STARD13: variants seen among roughly 807,000 people sequenced by gnomAD.
STARD13 encodes the protein StAR related lipid transfer domain containing 13.
A neutral mutation model predicts 106.4 loss-of-function variants in STARD13; 62 were observed. The observed-to-expected ratio is 0.58, with a 90% confidence interval of 0.48 to 0.72. STARD13 has a LOEUF of 0.72. Ranked by LOEUF, STARD13 falls within the 30% of genes least tolerant of loss-of-function variation. The pLI is 0.00. For synonymous variants in STARD13, 565 were observed against 553.0 expected, an observed-to-expected ratio of 1.02 and a Z score of -0.31; for missense variants, 1,387 against 1,424.0, an observed-to-expected ratio of 0.97 and a Z score of 0.42.
chr13:33,515,346 T>C, the STARD13 span, among the ~76,000 whole-genome samples: 1 of 152,166 alleles, frequency 6.6e-6, no homozygotes, highest in Non-Finnish European at 1.5e-5. Flanking sequence ...TAAAAATGTT[T>C]TTGTGTCTTC....
chr13:33,544,770 CTTTTTTT>C, the STARD13 span, among the ~76,000 whole-genome samples: 76 of 108,724 alleles, frequency 7.0e-4, no homozygotes, highest in Non-Finnish European at 1.2e-3. Context: ...TGTTTTTTCT[CTTTTTTT>C]TTTTTTTTTT....
At chr13:33,211,829 G>GTGTGTGTA (rs1555248562) in intron 1 of STARD13, among the ~76,000 whole-genome samples, 81 of 64,896 alleles carry the variant, frequency 1.2e-3, no homozygotes, top group Non-Finnish European at 2.2e-3. Flanking sequence ...GTGTGTGTAT[G>GTGTGTGTA]TGTGTGTGTG....
At chr13:33,546,650 A>T in the STARD13 span, among the ~76,000 whole-genome samples, 1 of 147,094 alleles carries the variant, frequency 6.8e-6, no homozygotes, top group Admixed American at 6.8e-5. Context: ...TGTCGTATTA[A>T]TTTTTTTTTT....
At chr13:33,416,800 A>C in the STARD13 span, among the ~76,000 whole-genome samples, 1 of 152,236 alleles carries the variant, frequency 6.6e-6, no homozygotes, top group Non-Finnish European at 1.5e-5. Flanking sequence ...AAGCCTTCTT[A>C]GAGATGATCT....
chr13:33,488,918 A>T, the STARD13 span, among the ~76,000 whole-genome samples: 14 of 152,182 alleles, frequency 9.2e-5, no homozygotes, highest in Admixed American at 2.0e-4. Flanking sequence ...CTCATATTTA[A>T]TTCCCCAACA....
chr13:33,664,757 G>T, the STARD13 span, among the ~76,000 whole-genome samples: 36 of 152,278 alleles, frequency 2.4e-4, no homozygotes, highest in African/African-American at 7.7e-4. Context: ...CTCCGGAGTA[G>T]CGGGGACTAC....
chr13:33,191,948 G>A (rs1441818918), intron 1 of STARD13, among the ~76,000 whole-genome samples: 2 of 152,196 alleles, frequency 1.3e-5, no homozygotes, highest in African/African-American at 2.4e-5. Context: ...TGGAGAAATG[G>A]CCTCAGACTG....
chr13:33,154,063 A>C (rs1216490071), intron 3 of STARD13, among the ~76,000 whole-genome samples: 1 of 152,172 alleles, frequency 6.6e-6, no homozygotes, highest in East Asian at 1.9e-4. Flanking sequence ...GATTCTGGAG[A>C]GCAGAGATGG....
chr13:33,648,454 T>C, the STARD13 span, among the ~76,000 whole-genome samples: 1 of 152,178 alleles, frequency 6.6e-6, no homozygotes, highest in Non-Finnish European at 1.5e-5. Context: ...GTTACTTTAC[T>C]TTTTTTCGTG....
chr13:33,429,426 T>C, the STARD13 span, among the ~76,000 whole-genome samples: 1 of 151,698 alleles, frequency 6.6e-6, no homozygotes, highest in African/African-American at 2.4e-5. Flanking sequence ...GAAACCCCGG[T>C]TCTACTAAAA....
the STARD13 span, among the ~76,000 whole-genome samples, chr13:33,601,048 A>C: frequency 2.0e-5 from 3 of 152,230 alleles, no homozygotes; most frequent in African/African-American, 7.2e-5. Context: ...GAATTCTACT[A>C]TTCTTGTCTT....
At chr13:33,307,290 G>A (rs1056585281) in intron 1 of STARD13, among the ~76,000 whole-genome samples, 2 of 152,168 alleles carry the variant, frequency 1.3e-5, no homozygotes, top group African/African-American at 2.4e-5. Context: ...ATTTGACCGA[G>A]CAATCCCATT....
At chr13:33,664,176 T>A in the STARD13 span, among the ~76,000 whole-genome samples, 36 of 152,340 alleles carry the variant, frequency 2.4e-4, 1 homozygote, top group Admixed American at 1.9e-3. Flanking sequence ...GAGACACTCA[T>A]TTCTCAACTT....
the STARD13 span, among the ~76,000 whole-genome samples, chr13:33,404,255 G>T: frequency 6.6e-6 from 1 of 152,166 alleles, no homozygotes; most frequent in Non-Finnish European, 1.5e-5. Flanking sequence ...ACAGCAACTG[G>T]ATTTCTGCTG....
the STARD13 span, among the ~76,000 whole-genome samples, chr13:33,470,943 G>A: frequency 0.014 from 2,193 of 152,114 alleles, 57 homozygotes; most frequent in African/African-American, 0.047. Flanking sequence ...ATCCATTTGT[G>A]TATTTTGGCT....
rs368906043 is a variant in STARD13 at position 33,291,343 on chromosome 13, A to C, written c.124+58947T>G. The stretch of plus-strand genomic sequence containing the variant: ...GTCTCACGTTTTTTTCCATCGAACC[A>C]CATGACTTTAGCCATTCATCCAGCT... On this transcript the variant is annotated intron_variant, in intron 1 of 5. Coordinates refer to the STARD13 transcript ENST00000567873. Among the ~76,000 whole-genome samples the C allele has an allele frequency of 1.3e-3, 205 of 152,320 alleles. 2 individuals carry two copies. Among genetic ancestry groups the C allele is most frequent in the African/African-American group, 4.7e-3 (197 of 41,576 alleles).
At chr13:33,616,812 T>G in the STARD13 span, among the ~76,000 whole-genome samples, 1 of 152,228 alleles carries the variant, frequency 6.6e-6, no homozygotes, top group South Asian at 2.1e-4. Context: ...TAGTCTTTAT[T>G]TTAATTGAAT....
At chr13:33,481,235 A>G in the STARD13 span, among the ~76,000 whole-genome samples, 1 of 152,218 alleles carries the variant, frequency 6.6e-6, no homozygotes, top group Non-Finnish European at 1.5e-5. Flanking sequence ...AGAATAATTA[A>G]TAGAATATAC....
chr13:33,613,485 G>C, the STARD13 span, among the ~76,000 whole-genome samples: 29 of 152,192 alleles, frequency 1.9e-4, no homozygotes, highest in Non-Finnish European at 4.0e-4. Flanking sequence ...ATGGGGAAAT[G>C]GAAGAGAGAA....
Sources: gnomAD v4.1 joint callset for allele counts (sites outside exome capture counted in the v4.1 genomes callset) on GRCh38, gnomAD v4.1.1 for gene constraint, MANE v1.5 for transcripts, NCBI Gene and HGNC (gene_info 2026-07-23, HGNC 2026-07-21) for gene names.